Variants in CKAP4 observed in about 807,000 individuals in gnomAD.
CKAP4 encodes cytoskeleton associated protein 4, also known as cytoskeleton-associated protein 4.
CKAP4 carries 20 observed loss-of-function variants against 24.4 expected under a neutral mutation model. That is an observed-to-expected ratio of 0.82 (90% confidence interval 0.58 to 1.19). The LOEUF is 1.19. Among genes scored for constraint, CKAP4 ranks in the 50% most tolerant of loss-of-function variants. The pLI, the probability that CKAP4 is intolerant of heterozygous loss-of-function variation, is 0.00. For synonymous variants in CKAP4, 378 were observed against 351.7 expected (o/e 1.07, Z -0.84); for missense variants, 744 against 765.3 (o/e 0.97, Z 0.33).
Position 106,247,066 on chromosome 12 carries a change from A to C in CKAP4, c.483+303T>G. On this transcript the variant is annotated intron_variant, in intron 1 of 1. Transcript: ENST00000378026. The surrounding 1 kb of genome is among the most constrained non-coding windows in gnomAD (Gnocchi z 4.5). ...GCCGGCTTCCTTACAGGTCACCGCT[A>C]ATGCCCTGTGACAGGCCCTTGGCCC... 3.0e-6 allele frequency: 1 copy of C among 328,578 alleles called. No individual in the cohort carries two copies. The highest frequency in any genetic ancestry group is 5.7e-6 in the Non-Finnish European group (1 of 176,794). The allele number at this position is 328,578 out of a possible 1,614,324, so 20.4% of individuals were successfully genotyped here. A position where few individuals can be genotyped will look rare whatever the true frequency, so the allele number is the denominator to read the frequency against.
chr12:106,245,846 C>A (rs559132187), intron 1 of CKAP4, among the ~76,000 whole-genome samples: 2 of 152,048 alleles, frequency 1.3e-5, no homozygotes, highest in African/African-American at 4.8e-5. Flanking sequence ...CCGCCCGCCT[C>A]GGCCTCCTAC....
intron 1 of CKAP4, among the ~76,000 whole-genome samples, chr12:106,241,898 C>CA (rs796715429): frequency 5.5e-4 from 75 of 136,444 alleles, no homozygotes; most frequent in Middle Eastern, 3.7e-3. Context: ...TAACTCCAGC[C>CA]AAAAAAAAAA....
In CKAP4 at chr12:106,247,867, G is replaced by T; in HGVS notation, c.-16C>A. 4 of 1,034,416 alleles carry T rather than the reference G, an allele frequency of 3.9e-6. No individual in the cohort carries two copies. The highest frequency in any genetic ancestry group is 4.6e-6 in the Non-Finnish European group (4 of 864,022). The allele number at this position is 1,034,416 out of a possible 1,614,324, so 64.1% of individuals were successfully genotyped here. ...CCGAGGGCATGGCGGGCGCGGCGGC[G>T]GCTCGGGCCGCGGGCTGGGAGGCGA... On this transcript the variant is annotated 5_prime_UTR_variant, in exon 1 of 2. Coordinates refer to ENST00000378026, the MANE Select transcript of CKAP4 (RefSeq NM_006825.4). This position sits in a 1 kb window ranked among gnomAD's most constrained non-coding sequence, Gnocchi z 4.5.
In CKAP4 at chr12:106,239,497, GC is replaced by G. The variant is rs1156317837; in HGVS notation, c.1335del (p.Glu445AspfsTer28). 1 of 1,608,086 alleles carries G rather than the reference GC, an allele frequency of 6.2e-7. No individual in the cohort carries two copies. The highest frequency in any genetic ancestry group is 2.2e-5 in the East Asian group (1 of 44,842). On this transcript the variant is annotated frameshift_variant, in exon 2 of 2. Coordinates refer to ENST00000378026, the MANE Select transcript of CKAP4 (RefSeq NM_006825.4). The surrounding 1 kb of genome is among the most constrained non-coding windows in gnomAD (Gnocchi z 4.9). ...CGCCCCTGCAGGGCGGCCAGGCGCTGCTCGTGCTCCTGGCTCTTGGACAGGA... is the reference window on the plus strand; with the variant it reads ...CGCCCCTGCAGGGCGGCCAGGCGCTGTCGTGCTCCTGGCTCTTGGACAGGA... Reference protein sequence around the residue: ...ESLLSKSQEHEQRLAALQGRL... With the variant: ...ESLLSKSQEHXQRLAALQGRL...
chr12:106,246,729 C>G (rs1189111921), intron 1 of CKAP4: 2 of 152,608 alleles, frequency 1.3e-5, no homozygotes, highest in Non-Finnish European at 2.9e-5. Context: ...GCGACAGAGC[C>G]AGACTCCCTC....
At position 106,239,635 on chromosome 12, in the gene CKAP4, C is replaced by T. The variant is rs750464359; in HGVS notation, c.1198G>A (p.Glu400Lys). The change falls in exon 2 of 2, where the codon GAG becomes AAG. Residue 400 changes from glutamate (E) to lysine (K), a missense_variant. By Grantham distance (56) the Glu-to-Lys change is moderately conservative. Transcript: ENST00000378026. This position sits in a 1 kb window ranked among gnomAD's most constrained non-coding sequence, Gnocchi z 4.9. ...DGGFRHSEAF[E>K]ALQQKSQGLD... Reference sequence around the variant, plus strand: ...CCCTGACTCTTTTGCTGGAGTGCCTCAAAGGCTTCCGAGTGTCTGAAGCCT... The same window carrying T: ...CCCTGACTCTTTTGCTGGAGTGCCTTAAAGGCTTCCGAGTGTCTGAAGCCT... 1 of 1,614,218 alleles carries T rather than the reference C, an allele frequency of 6.2e-7. No individual in the cohort carries two copies. Among genetic ancestry groups the T allele is most frequent in the East Asian group, 2.2e-5 (1 of 44,868 alleles).
intron 1 of CKAP4, among the ~76,000 whole-genome samples, chr12:106,241,450 A>C (rs1390317212): frequency 1.3e-5 from 2 of 148,272 alleles, no homozygotes; most frequent in Middle Eastern, 3.2e-3. Context: ...CTCCTGCCTC[A>C]GCCTCCCGAG....
rs1040769561 is a variant in CKAP4, at chr12:106,247,483, C to A, written c.369G>T (p.Ser123=). 1.3e-6 allele frequency: 2 copies of A among 1,545,282 alleles called. No homozygotes were observed. The highest frequency in any genetic ancestry group is 2.5e-5 in the East Asian group (1 of 40,468). Residue 123 remains serine, a synonymous_variant, in exon 1 of 2, where the codon TCG becomes TCT. Transcript: ENST00000378026. This position sits in a 1 kb window ranked among gnomAD's most constrained non-coding sequence, Gnocchi z 4.5. ...YLALVAAAAF[S]GWCVHHVLEE... is the part of the protein sequence containing the mutation. ...CCAGGACGTGGTGGACGCACCAGCCCGAGAAAGCGGCCGCCGCCACCAGGG... is the reference window on the plus strand; with the variant it reads ...CCAGGACGTGGTGGACGCACCAGCCAGAGAAAGCGGCCGCCGCCACCAGGG...
rs537355660 is a variant in CKAP4 at position 106,247,261 on chromosome 12, G to A, written c.483+108C>T. 14 of 1,014,936 alleles carry A rather than the reference G, an allele frequency of 1.4e-5. No individual in the cohort carries two copies. In the African/African-American group the frequency reaches 1.5e-4, roughly 11 times the overall value. 62.9% of individuals were successfully genotyped at this position (1,014,936 alleles called of 1,614,324 possible). A position where few individuals can be genotyped will look rare whatever the true frequency, so the allele number is the denominator to read the frequency against. On this transcript the variant is annotated intron_variant, in intron 1 of 1. Coordinates refer to ENST00000378026, the MANE Select transcript of CKAP4 (RefSeq NM_006825.4). The surrounding 1 kb of genome is among the most constrained non-coding windows in gnomAD (Gnocchi z 4.5). ...GGAGGAGCGGCCGGCTCCCGCCTCC[G>A]GGCCTGGGCAGGCAGCGCTAGGGGC...
Position 106,247,570 on chromosome 12 carries a change from G to A in CKAP4, c.282C>T (p.Ala94=), listed in dbSNP as rs1028156071. The A allele has an allele frequency of 1.4e-6, 2 of 1,403,122 alleles. No individual in the cohort carries two copies. Among genetic ancestry groups the A allele is most frequent in the African/African-American group, 1.6e-5 (1 of 63,222 alleles). The allele number at this position is 1,403,122 out of a possible 1,614,324, so 86.9% of individuals were successfully genotyped here. The change falls in exon 1 of 2, where the codon GCC becomes GCT. Residue 94 remains alanine, a synonymous_variant. Coordinates refer to ENST00000378026, the MANE Select transcript of CKAP4 (RefSeq NM_006825.4). The surrounding 1 kb of genome is among the most constrained non-coding windows in gnomAD (Gnocchi z 4.5). The stretch of plus-strand genomic sequence containing the variant: ...TGCGCGAGCAGGACGCCGAGGACGA[G>A]GCGGCGGCGGCGGCAGCGGCGGCGG... ...SASAAAAAAA[A]SSSASCSRRL...
rs1555230009 is a variant in CKAP4, at chr12:106,247,722, G to GCGGCTGCTGCGGCGC, written c.115_129dup (p.Ala39_Pro43dup). On this transcript the variant is annotated inframe_insertion, in exon 1 of 2. Coordinates refer to ENST00000378026, the MANE Select transcript of CKAP4 (RefSeq NM_006825.4). The surrounding 1 kb of genome is among the most constrained non-coding windows in gnomAD (Gnocchi z 4.5). ...TGCGGGTGCGGCGCGGGCGGCGGCG[G>GCGGCTGCTGCGGCGC]CGGCTGCTGCGGCGCCGGCGGCGGC... is the stretch of plus-strand genomic sequence containing the variant. 1.9e-6 allele frequency: 2 copies of GCGGCTGCTGCGGCGC among 1,044,182 alleles called. No homozygotes were observed. Among genetic ancestry groups the GCGGCTGCTGCGGCGC allele is most frequent in the Admixed American group, 1.1e-4 (2 of 17,564 alleles). The allele number at this position is 1,044,182 out of a possible 1,614,324, so 64.7% of individuals were successfully genotyped here. A position where few individuals can be genotyped will look rare whatever the true frequency, so the allele number is the denominator to read the frequency against.
In CKAP4 at chr12:106,239,838, T is replaced by A. The variant is rs2033954505; in HGVS notation, c.995A>T (p.Lys332Met). ...CTCCTTGAAAGCCTGCTGCTCCTGC[T>A]TGAGGCTCACCAGCTCGCGGACCTC... is the stretch of plus-strand genomic sequence containing the variant. ...YTEVRELVSLKQEQQAFKEAA... is the reference protein window; with the variant it reads ...YTEVRELVSLMQEQQAFKEAA... Residue 332 changes from lysine to methionine, a missense_variant, in exon 2 of 2, where the codon AAG becomes ATG. Transcript: ENST00000378026. This position sits in a 1 kb window ranked among gnomAD's most constrained non-coding sequence, Gnocchi z 4.9. The A allele has an allele frequency of 6.2e-7, 1 of 1,613,976 alleles. No individual in the cohort carries two copies. Among genetic ancestry groups the A allele is most frequent in the African/African-American group, 1.3e-5 (1 of 74,908 alleles).
At chr12:106,243,622 AACACTTTCTGAAGCCC>A (rs894993824) in intron 1 of CKAP4, among the ~76,000 whole-genome samples, 1 of 152,236 alleles carries the variant, frequency 6.6e-6, no homozygotes, top group Non-Finnish European at 1.5e-5. Flanking sequence ...ATGAACTGCC[AACACTTTCTGAAGCCC>A]AGGACCCACT....
chr12:106,247,648 G>A lies in CKAP4; in HGVS notation c.204C>T (p.Gly68=). Residue 68 remains glycine, a synonymous_variant, in exon 1 of 2, where the codon GGC becomes GGT. Coordinates refer to ENST00000378026, the MANE Select transcript of CKAP4 (RefSeq NM_006825.4). The surrounding 1 kb of genome is among the most constrained non-coding windows in gnomAD (Gnocchi z 4.5). Reference sequence around the variant, plus strand: ...CGCCGCCGCCGCCGCCGCCGCGGTGGCCGCCCTTGCCGTGCGCCTGGTTCT... The same window carrying A: ...CGCCGCCGCCGCCGCCGCCGCGGTGACCGCCCTTGCCGTGCGCCTGGTTCT... The part of the protein sequence containing the change: ...HPQNQAHGKG[G]HRGGGGGGGK... The A allele has an allele frequency of 1.9e-6, 2 of 1,076,962 alleles. No individual in the cohort carries two copies. Among genetic ancestry groups the A allele is most frequent in the Non-Finnish European group, 2.3e-6 (2 of 857,740 alleles). The allele number at this position is 1,076,962 out of a possible 1,614,324, so 66.7% of individuals were successfully genotyped here.
Position 106,238,945 on chromosome 12 carries a change from G to A in CKAP4, c.*79C>T. ...AGGGGACAAGAAATTGGGGGGTAGG[G>A]GACACATGGGAAAAAACCACACATT... On this transcript the variant is annotated 3_prime_UTR_variant, in exon 2 of 2. Coordinates refer to ENST00000378026, the MANE Select transcript of CKAP4 (RefSeq NM_006825.4). 6.7e-7 allele frequency: 1 copy of A among 1,503,638 alleles called. No individual in the cohort carries two copies. Among genetic ancestry groups the A allele is most frequent in the East Asian group, 2.3e-5 (1 of 44,154 alleles). 93.1% of individuals were successfully genotyped at this position (1,503,638 alleles called of 1,614,324 possible).
Position 106,247,970 on chromosome 12 carries a change from GT to G in CKAP4, c.-120del. ...CGAGCGGCACGCGGGCGCTGCTGGC[GT>G]CGGAGCGGCGAGAGGACGCGCGGCC... On this transcript the variant is annotated 5_prime_UTR_variant, in exon 1 of 2. Transcript: ENST00000378026. This position sits in a 1 kb window ranked among gnomAD's most constrained non-coding sequence, Gnocchi z 4.5. The G allele has an allele frequency of 3.2e-6, 2 of 618,620 alleles. No homozygotes were observed. The highest frequency in any genetic ancestry group is 4.1e-6 in the Non-Finnish European group (2 of 491,904). The allele number at this position is 618,620 out of a possible 1,614,324, so 38.3% of individuals were successfully genotyped here.
intron 1 of CKAP4, among the ~76,000 whole-genome samples, chr12:106,241,898 CAA>C (rs796715429): frequency 7.3e-6 from 1 of 136,662 alleles, no homozygotes. Context: ...TAACTCCAGC[CAA>C]AAAAAAAAAG....
chr12:106,239,770 TCTC>T lies in CKAP4; in HGVS notation c.1060_1062del (p.Glu354del). The T allele has an allele frequency of 6.2e-7, 1 of 1,613,558 alleles. No homozygotes were observed. The highest frequency in any genetic ancestry group is 8.5e-7 in the Non-Finnish European group (1 of 1,179,880). On this transcript the variant is annotated inframe_deletion, in exon 2 of 2. Transcript: ENST00000378026. This position sits in a 1 kb window ranked among gnomAD's most constrained non-coding sequence, Gnocchi z 4.9. The stretch of plus-strand genomic sequence containing the variant: ...ACGGACTCCTCAGACCTGAGAAGCT[TCTC>T]CGTGAGGGCCTGCAGGGCGAGCCGC...
At chr12:106,242,286 C>T (rs142033154) in intron 1 of CKAP4, among the ~76,000 whole-genome samples, 41 of 152,340 alleles carry the variant, frequency 2.7e-4, no homozygotes, top group African/African-American at 9.4e-4. Context: ...CTATTATCAT[C>T]GTGATTATTT....
Sources: gnomAD v4.1 joint callset for allele counts (sites outside exome capture counted in the v4.1 genomes callset) on GRCh38, gnomAD v4.1.1 for gene constraint, Gnocchi (gnomAD v3.1) non-coding constraint, MANE v1.5 for transcripts, NCBI Gene and HGNC (gene_info 2026-07-23, HGNC 2026-07-21) for gene names.